The following SMOC1 variants were observed in gnomAD, a reference collection of about 807,000 sequenced individuals.
SMOC1 encodes the protein SPARC related modular calcium binding 1.
SMOC1 carries 22 observed loss-of-function variants against 56.3 expected under a neutral mutation model. The observed-to-expected ratio is 0.39, with a 90% CI of 0.28 to 0.56. SMOC1 has a LOEUF of 0.56. Among genes scored for constraint, SMOC1 ranks in the 20% least tolerant of loss-of-function variants. SMOC1 has a pLI of 0.61. For missense variants in SMOC1, 509 were observed against 565.4 expected (o/e 0.90, Z 1.01); for synonymous variants, 193 against 215.0 (o/e 0.90, Z 0.89).
At chr14:69,991,262 C>T (rs748762684) in intron 5 of SMOC1, among the ~76,000 whole-genome samples, 1 of 152,128 alleles carries the variant, frequency 6.6e-6, no homozygotes, top group Non-Finnish European at 1.5e-5. Context: ...CCTTCCCTCC[C>T]CCCGTGGAGA....
intron 1 of SMOC1, chr14:69,885,360 G>T (rs1021222925): frequency 2.5e-6 from 4 of 1,593,456 alleles, no homozygotes; most frequent in Non-Finnish European, 3.4e-6. Flanking sequence ...TTAGTGGCAA[G>T]TTCTTTAGCC....
chr14:69,936,859 CTA>C (rs1477681754), intron 1 of SMOC1, among the ~76,000 whole-genome samples: 1 of 150,206 alleles, frequency 6.7e-6, no homozygotes, highest in Non-Finnish European at 1.5e-5. Flanking sequence ...GGTATATTTC[CTA>C]TCTTTTGTCT....
chr14:70,023,124 G>A, intron 10 of SMOC1, 79 bp from the exon 11 acceptor site: 1 of 1,607,418 alleles, frequency 6.2e-7, no homozygotes, highest in South Asian at 1.1e-5. Flanking sequence ...CTTTCTGGGG[G>A]CAGTCATACC....
intron 7 of SMOC1, among the ~76,000 whole-genome samples, chr14:70,006,094 C>T (rs568505644): frequency 2.6e-5 from 4 of 152,276 alleles, no homozygotes; most frequent in East Asian, 1.9e-4. Flanking sequence ...AATTTTAAGA[C>T]CCATTTGGGA....
intron 3 of SMOC1, among the ~76,000 whole-genome samples, chr14:69,960,934 T>C (rs1883347774): frequency 2.6e-5 from 4 of 152,168 alleles, no homozygotes; most frequent in Admixed American, 2.6e-4. Context: ...ATCATAAAAG[T>C]TACCATTTTA....
chr14:69,985,216 G>A (rs1043738113), intron 5 of SMOC1, among the ~76,000 whole-genome samples: 4 of 152,090 alleles, frequency 2.6e-5, no homozygotes, highest in African/African-American at 9.7e-5. Context: ...TCTATTAGGA[G>A]AGCTAAAAGA....
At chr14:69,998,254 C>T (rs1884842114) in intron 7 of SMOC1, among the ~76,000 whole-genome samples, 1 of 152,168 alleles carries the variant, frequency 6.6e-6, no homozygotes, top group Admixed American at 6.5e-5. Flanking sequence ...TTCTCGCCTC[C>T]ATTGAACCTC....
intron 7 of SMOC1, among the ~76,000 whole-genome samples, chr14:70,007,239 A>C (rs1594852020): frequency 1.3e-5 from 2 of 152,344 alleles, no homozygotes; most frequent in South Asian, 4.1e-4. Context: ...TTCAATGAGG[A>C]TAACAACACT....
intron 1 of SMOC1, among the ~76,000 whole-genome samples, chr14:69,922,303 A>T (rs1884867583): frequency 6.6e-6 from 1 of 152,194 alleles, no homozygotes; most frequent in East Asian, 1.9e-4. Context: ...AACAGTGGTG[A>T]TGTTGTTATC....
At chr14:69,902,762 G>A (rs974341519) in intron 1 of SMOC1, among the ~76,000 whole-genome samples, 29 of 151,728 alleles carry the variant, frequency 1.9e-4, no homozygotes, top group East Asian at 5.8e-4. Flanking sequence ...GATTGCAGGC[G>A]CGCGCCGCCA....
At chr14:70,001,560 G>A (rs1370386704) in intron 7 of SMOC1, among the ~76,000 whole-genome samples, 2 of 152,016 alleles carry the variant, frequency 1.3e-5, no homozygotes, top group African/African-American at 2.4e-5. Flanking sequence ...CCCCTTTATT[G>A]CCTGCCTCTG....
At chr14:69,962,218 A>C (rs1352893478) in intron 3 of SMOC1, among the ~76,000 whole-genome samples, 1 of 151,324 alleles carries the variant, frequency 6.6e-6, no homozygotes, top group Non-Finnish European at 1.5e-5. Flanking sequence ...GCTGGAGTGC[A>C]GTGGCACCAT....
At chr14:69,969,636 T>G (rs182751861) in intron 3 of SMOC1, among the ~76,000 whole-genome samples, 1 of 152,166 alleles carries the variant, frequency 6.6e-6, no homozygotes, top group East Asian at 1.9e-4. Context: ...CATTTCAACA[T>G]GAGATTTGGA....
chr14:69,965,205 C>A (rs1883523386), intron 3 of SMOC1, among the ~76,000 whole-genome samples: 1 of 152,084 alleles, frequency 6.6e-6, no homozygotes, highest in South Asian at 2.1e-4. Context: ...TGGTGAAACC[C>A]CATCTCCACT....
chr14:69,899,882 C>T (rs1160554645), intron 1 of SMOC1, among the ~76,000 whole-genome samples: 1 of 152,186 alleles, frequency 6.6e-6, no homozygotes, highest in Non-Finnish European at 1.5e-5. Context: ...GTGGAGATTT[C>T]TGCCCTGGTA....
chr14:70,023,440 C>T lies in SMOC1; in HGVS notation c.1284C>T (p.Ser428=), dbSNP rs1413811614. The stretch of plus-strand genomic sequence containing the variant: ...AGCTGAAGGGCTGCCTGGGTGTTAG[C>T]AAAGAAGGTGAGTGCTCTCCCCTGT... The part of the protein sequence containing the change: ...LPELKGCLGV[S]KEVGRLV The change falls in exon 11 of 12, where the codon AGC becomes AGT. Residue 428 remains serine (S), a synonymous_variant. Coordinates refer to ENST00000361956, the MANE Select transcript of SMOC1 (RefSeq NM_001034852.3). The T allele has an allele frequency of 3.7e-6, 6 of 1,613,914 alleles. No individual in the cohort carries two copies. The East Asian group carries it at 1.3e-4, about 36-fold the overall frequency.
chr14:69,922,009 T>C (rs533243573), intron 1 of SMOC1, among the ~76,000 whole-genome samples: 1 of 152,322 alleles, frequency 6.6e-6, no homozygotes, highest in South Asian at 2.1e-4. Flanking sequence ...CTTTCCGGGA[T>C]CCAGCCATCT....
intron 1 of SMOC1, among the ~76,000 whole-genome samples, chr14:69,933,994 T>G (rs1325635499): frequency 3.9e-5 from 6 of 152,196 alleles, no homozygotes; most frequent in Admixed American, 3.9e-4. Flanking sequence ...TCAAACAGTT[T>G]TTATGTGCCA....
At chr14:69,918,195 G>A (rs934103127) in intron 1 of SMOC1, among the ~76,000 whole-genome samples, 2 of 151,822 alleles carry the variant, frequency 1.3e-5, no homozygotes, top group African/African-American at 4.8e-5. Flanking sequence ...TTGCTGTGCT[G>A]TGTAATAGGT....
Sources: allele counts gnomAD v4.1 joint callset (sites outside exome capture counted in the v4.1 genomes callset), GRCh38; gene constraint gnomAD v4.1.1; transcripts MANE v1.5; gene names NCBI Gene and HGNC (gene_info 2026-07-23, HGNC 2026-07-21).